Variants in ASIC2 observed in about 807,000 individuals in gnomAD.
ASIC2 encodes the protein acid sensing ion channel subunit 2, also known as acid-sensing ion channel 2.
A neutral mutation model predicts 57.3 loss-of-function variants in ASIC2; 25 were observed. The observed-to-expected ratio is 0.44, with a 90% CI of 0.32 to 0.61. The LOEUF (loss-of-function observed/expected upper bound fraction) is 0.61. Among genes scored for constraint, ASIC2 ranks in the 20% least tolerant of loss-of-function variants. The pLI, the probability that ASIC2 is intolerant of heterozygous loss-of-function variation, is 0.06. For missense variants in ASIC2, 641 were observed against 738.1 expected (o/e 0.87, Z 1.52); for synonymous variants, 319 against 307.5 (o/e 1.04, Z -0.39).
At chr17:33,926,381 C>T (rs538440723) in intron 1 of ASIC2, among the ~76,000 whole-genome samples, 4 of 152,016 alleles carry the variant, frequency 2.6e-5, no homozygotes, top group Non-Finnish European at 5.9e-5. Context: ...TACATATTTG[C>T]ATATAGATAA....
chr17:33,203,399 G>A (rs189414892), intron 1 of ASIC2, among the ~76,000 whole-genome samples: 2 of 152,326 alleles, frequency 1.3e-5, no homozygotes, highest in East Asian at 3.9e-4. Context: ...CACAGTTGGA[G>A]GACTGACTGG....
At chr17:33,550,134 G>C (rs5006722) in intron 1 of ASIC2, among the ~76,000 whole-genome samples, 85,688 of 151,564 alleles carry the variant, frequency 0.57, 25,324 homozygotes, top group African/African-American at 0.75. Context: ...CAGCTCAGTG[G>C]AGTTCTGCAC....
At chr17:33,697,132 C>T (rs185175896) in intron 1 of ASIC2, among the ~76,000 whole-genome samples, 1 of 152,308 alleles carries the variant, frequency 6.6e-6, no homozygotes, top group Non-Finnish European at 1.5e-5. Flanking sequence ...CCTTTGCCTT[C>T]CACCATTATT....
intron 1 of ASIC2, among the ~76,000 whole-genome samples, chr17:34,099,340 G>C (rs1242924639): frequency 7.2e-6 from 1 of 139,608 alleles, no homozygotes; most frequent in Non-Finnish European, 1.5e-5. Context: ...GGAGGGAAGA[G>C]AGGGAGGGAG....
chr17:33,961,550 C>T (rs1433861518), intron 1 of ASIC2, among the ~76,000 whole-genome samples: 1 of 152,176 alleles, frequency 6.6e-6, no homozygotes, highest in Non-Finnish European at 1.5e-5. Context: ...GTGCCTGCAT[C>T]GTCCTCACAG....
intron 1 of ASIC2, among the ~76,000 whole-genome samples, chr17:34,095,730 T>G (rs951310594): frequency 7.0e-6 from 1 of 143,874 alleles, no homozygotes; most frequent in Non-Finnish European, 1.5e-5. Flanking sequence ...TAGAGAGATA[T>G]ATATATAATT....
At chr17:33,147,333 AAT>A (rs763112696) in intron 1 of ASIC2, among the ~76,000 whole-genome samples, 2 of 152,354 alleles carry the variant, frequency 1.3e-5, no homozygotes, top group South Asian at 2.1e-4. Context: ...TTCAGATCCA[AAT>A]ATCCTGATAG....
chr17:33,803,779 T>G (rs576925640), intron 1 of ASIC2, among the ~76,000 whole-genome samples: 94 of 152,196 alleles, frequency 6.2e-4, no homozygotes, highest in Non-Finnish European at 1.0e-3. Flanking sequence ...AGATAAAGGC[T>G]TGGAAACTCC....
intron 1 of ASIC2, among the ~76,000 whole-genome samples, chr17:34,124,173 A>T (rs1598038174): frequency 6.6e-6 from 1 of 152,218 alleles, no homozygotes; most frequent in Non-Finnish European, 1.5e-5. Context: ...ACAGACAAGA[A>T]GGTTGAGGCA....
intron 1 of ASIC2, chr17:34,155,872 T>C: frequency 7.5e-7 from 1 of 1,326,114 alleles, no homozygotes; most frequent in Non-Finnish European, 1.0e-6. Context: ...GGCACTGCTC[T>C]CTCTCCTGTC....
intron 1 of ASIC2, among the ~76,000 whole-genome samples, chr17:34,098,059 C>A (rs911514523): frequency 5.9e-5 from 9 of 152,144 alleles, no homozygotes; most frequent in African/African-American, 2.2e-4. Context: ...CCAAGAGAAG[C>A]AAGTGTTTAC....
chr17:33,968,907 A>T (rs1905146503), intron 1 of ASIC2, among the ~76,000 whole-genome samples: 1 of 152,240 alleles, frequency 6.6e-6, no homozygotes, highest in South Asian at 2.1e-4. Flanking sequence ...GGCTTGTGAC[A>T]GGTGGTGAAG....
At chr17:33,461,776 C>T (rs1488257311) in intron 1 of ASIC2, among the ~76,000 whole-genome samples, 1 of 152,106 alleles carries the variant, frequency 6.6e-6, no homozygotes, top group African/African-American at 2.4e-5. Context: ...CAGTCATTGG[C>T]TTATCTGTTT....
chr17:33,354,687 G>A (rs779128789), intron 1 of ASIC2, among the ~76,000 whole-genome samples: 15 of 152,114 alleles, frequency 9.9e-5, no homozygotes, highest in Non-Finnish European at 1.5e-4. Flanking sequence ...GATCTGATGG[G>A]CCCCTACTCA....
intron 1 of ASIC2, among the ~76,000 whole-genome samples, chr17:33,211,018 G>A (rs1286602545): frequency 6.6e-6 from 1 of 152,196 alleles, no homozygotes; most frequent in Non-Finnish European, 1.5e-5. Flanking sequence ...CCAAATAAAG[G>A]TATAAGCAAT....
chr17:33,126,856 CTTTTTTTTTTTTTT>C (rs1159710708), intron 1 of ASIC2, among the ~76,000 whole-genome samples: 1 of 85,326 alleles, frequency 1.2e-5, no homozygotes, highest in African/African-American at 4.8e-5. Flanking sequence ...TACCATTACT[CTTTTTTTTTTTTTT>C]TTTTTTTTGA....
At chr17:33,486,171 A>C (rs949514914) in intron 1 of ASIC2, among the ~76,000 whole-genome samples, 1 of 152,140 alleles carries the variant, frequency 6.6e-6, no homozygotes, top group African/African-American at 2.4e-5. Context: ...GAATCCCCAG[A>C]CATAATAAAG....
At chr17:33,022,892 C>T (rs1261316741) in intron 6 of ASIC2, among the ~76,000 whole-genome samples, 2 of 152,134 alleles carry the variant, frequency 1.3e-5, no homozygotes, top group East Asian at 3.8e-4. Flanking sequence ...AGGAGAGCAC[C>T]TCATCTAGAT....
chr17:33,704,726 C>T (rs1567693950), intron 1 of ASIC2, among the ~76,000 whole-genome samples: 1 of 152,302 alleles, frequency 6.6e-6, no homozygotes, highest in East Asian at 1.9e-4. Flanking sequence ...ATCATTACTT[C>T]ACCCCTGTGG....
Sources: allele counts gnomAD v4.1 joint callset (sites outside exome capture counted in the v4.1 genomes callset), GRCh38; gene constraint gnomAD v4.1.1; transcripts MANE v1.5; gene names NCBI Gene and HGNC (gene_info 2026-07-23, HGNC 2026-07-21).